Variants in PABPC1 observed in about 807,000 individuals in gnomAD.
PABPC1 encodes the protein poly(A) binding protein cytoplasmic 1.
A neutral mutation model predicts 74.0 loss-of-function variants in PABPC1; 4 were observed. The observed-to-expected ratio is 0.05, with a 90% CI of 0.03 to 0.12. The LOEUF (loss-of-function observed/expected upper bound fraction) is 0.12, where lower values mean the gene tolerates loss of function less well. Ranked by LOEUF, PABPC1 falls within the 10% of genes least tolerant of loss-of-function variation. The pLI, the probability that PABPC1 is intolerant of heterozygous loss-of-function variation, is 1.00. For missense variants in PABPC1, 271 were observed against 821.1 expected, an observed-to-expected ratio of 0.33 and a Z score of 8.19; for synonymous variants, 227 against 264.1, an observed-to-expected ratio of 0.86 and a Z score of 1.36.
At chr8:100,719,209 C>T (rs1810748988) in intron 1 of PABPC1, among the ~76,000 whole-genome samples, 1 of 152,172 alleles carries the variant, frequency 6.6e-6, no homozygotes. Flanking sequence ...GGAAAACGGT[C>T]CCTTTTAAGC....
chr8:100,721,642 G>GAGTGCCGGGGCTGGGGGCC lies in PABPC1; in HGVS notation c.-78_-60dup. ...GACCTTTCCGTGAGAGGAGGAGAGCGAGTGCCGGGGCTGGGGGCCGGAGCC... is the reference window on the plus strand; with the variant it reads ...GACCTTTCCGTGAGAGGAGGAGAGCGAGTGCCGGGGCTGGGGGCCAGTGCCGGGGCTGGGGGCCGGAGCC... On this transcript the variant is annotated 5_prime_UTR_variant, in exon 1 of 15. Coordinates refer to ENST00000318607, the MANE Select transcript of PABPC1 (RefSeq NM_002568.4). The surrounding 1 kb of genome is among the most constrained non-coding windows in gnomAD (Gnocchi z 7.4). 1 of 1,332,970 alleles carries GAGTGCCGGGGCTGGGGGCC rather than the reference G, an allele frequency of 7.5e-7. No homozygotes were observed. Among genetic ancestry groups the GAGTGCCGGGGCTGGGGGCC allele is most frequent in the Non-Finnish European group, 9.8e-7 (1 of 1,015,382 alleles). The allele number at this position is 1,332,970 out of a possible 1,614,324, so 82.6% of individuals were successfully genotyped here.
At chr8:100,710,205 A>G (rs1459352125) in intron 7 of PABPC1, among the ~76,000 whole-genome samples, 1 of 152,230 alleles carries the variant, frequency 6.6e-6, no homozygotes, top group Non-Finnish European at 1.5e-5. Context: ...AAAAGTTTTT[A>G]CATTCAAGAG....
intron 3 of PABPC1, 21 bp from the exon 4 acceptor site, chr8:100,715,622 T>G (rs771598333): frequency 6.4e-7 from 1 of 1,554,810 alleles, no homozygotes; most frequent in Admixed American, 1.8e-5. Flanking sequence ...ATACAAGGAC[T>G]ATAACATTAG....
rs568688780 is a variant in PABPC1, at chr8:100,709,231, G to GA, written c.1246-9dup. ...TGCAGCACGGTTCTGAGTCTGCAGG[G>GA]AAAAAAAGCACATGAGTTTATCAGT... On this transcript the variant is annotated splice_polypyrimidine_tract_variant and intron_variant, in intron 8 of 14. Transcript: ENST00000318607. The GA allele has an allele frequency of 2.2e-4, 346 of 1,579,320 alleles. 1 individual carries two copies. The African/African-American group carries it at 4.3e-3, about 20-fold the overall frequency.
At chr8:100,717,005 TGTGA>T (rs1419892207) in intron 3 of PABPC1, among the ~76,000 whole-genome samples, 1 of 151,766 alleles carries the variant, frequency 6.6e-6, no homozygotes, top group African/African-American at 2.4e-5. Context: ...AACAGGCATT[TGTGA>T]GTATTTATTT....
intron 7 of PABPC1, among the ~76,000 whole-genome samples, chr8:100,711,966 A>G (rs1398176373): frequency 6.6e-6 from 1 of 152,270 alleles, no homozygotes; most frequent in Non-Finnish European, 1.5e-5. Flanking sequence ...CTGATTTCAA[A>G]TAAAAGAAAA....
At chr8:100,707,089 A>G (rs1054915072) in intron 9 of PABPC1, 92 bp from the exon 10 acceptor site, 3 of 899,384 alleles carry the variant, frequency 3.3e-6, no homozygotes, top group African/African-American at 3.4e-5. Flanking sequence ...GGTTTGCATA[A>G]AAGACTAAAA....
intron 12 of PABPC1, 40 bp from the exon 13 acceptor site, chr8:100,705,096 A>T: frequency 3.1e-6 from 5 of 1,590,030 alleles, no homozygotes; most frequent in Non-Finnish European, 4.3e-6. Flanking sequence ...TCAATAAAAA[A>T]AAGTTTTTAA....
chr8:100,718,393 C>A, intron 1 of PABPC1, 113 bp from the exon 2 acceptor site: 1 of 792,758 alleles, frequency 1.3e-6, no homozygotes, highest in Non-Finnish European at 2.0e-6. Context: ...CACAGTTGAA[C>A]GCTTCCTCTT....
intron 3 of PABPC1, among the ~76,000 whole-genome samples, chr8:100,716,348 T>A (rs967656526): frequency 2.0e-5 from 3 of 151,882 alleles, no homozygotes; most frequent in African/African-American, 7.3e-5. Context: ...TGGCAGTGAG[T>A]AGATTGCACC....
Position 100,706,682 on chromosome 8 carries a change from A to T in PABPC1, c.1571T>A (p.Leu524His), listed in dbSNP as rs1734606834. ...AAGVRNPQQH[L>H]NAQPQVTMQQ... The stretch of plus-strand genomic sequence containing the variant: ...CATTGTAACTTGTGGCTGTGCATTA[A>T]GATGTTGCTGAGGATTGCGAACTCC... The change falls in exon 11 of 15, where the codon CTT becomes CAT. Residue 524 changes from leucine (L) to histidine (H), a missense_variant. By Grantham distance (99) the Leu-to-His change is moderately conservative (BLOSUM62 -3). Around this residue, in one of 7 missense-constraint regions of PABPC1, gnomAD observed 103 missense variants for 245.3 expected, o/e 0.42. Coordinates refer to ENST00000318607, the MANE Select transcript of PABPC1 (RefSeq NM_002568.4). 1 of 1,614,008 alleles carries T rather than the reference A, an allele frequency of 6.2e-7. No homozygotes were observed. The highest frequency in any genetic ancestry group is 2.2e-5 in the East Asian group (1 of 44,898).
chr8:100,712,437 T>C lies in PABPC1; in HGVS notation c.897A>G (p.Lys299=), dbSNP rs1810552426. 6.2e-7 allele frequency: 1 copy of C among 1,608,838 alleles called. No homozygotes were observed. Among genetic ancestry groups the C allele is most frequent in the African/African-American group, 1.3e-5 (1 of 74,674 alleles). Residue 299 remains lysine, a synonymous_variant, in exon 7 of 15, where the codon AAA becomes AAG. Coordinates refer to ENST00000318607, the MANE Select transcript of PABPC1 (RefSeq NM_002568.4). ...TRYQGVNLYV[K]NLDDGIDDER... ...CATCATCAATACCATCATCAAGATT[T>C]TTCACATAAAGATTAACACCCTAAA...
At chr8:100,715,632 G>C (rs765699769) in intron 3 of PABPC1, 31 bp from the exon 4 acceptor site, 2 of 1,508,496 alleles carry the variant, frequency 1.3e-6, no homozygotes, top group African/African-American at 2.8e-5. Context: ...TATAACATTA[G>C]ATTCTATTTT....
chr8:100,721,664 AGCCGGGGG>A lies in PABPC1; in HGVS notation c.-89_-82del. ...AGCGAGTGCCGGGGCTGGGGGCCGG[AGCCGGGGG>A]GAGGGGAGCGGGGAGCAAGCGCAGA... is the stretch of plus-strand genomic sequence containing the variant. On this transcript the variant is annotated 5_prime_UTR_variant, in exon 1 of 15. Coordinates refer to ENST00000318607, the MANE Select transcript of PABPC1 (RefSeq NM_002568.4). The surrounding 1 kb of genome is among the most constrained non-coding windows in gnomAD (Gnocchi z 7.4). The A allele has an allele frequency of 1.2e-6, 1 of 856,394 alleles. No homozygotes were observed. The allele number at this position is 856,394 out of a possible 1,614,324, so 53.0% of individuals were successfully genotyped here. A position where few individuals can be genotyped will look rare whatever the true frequency, so the allele number is the denominator to read the frequency against.
At chr8:100,718,757 A>T (rs1173751365) in intron 1 of PABPC1, among the ~76,000 whole-genome samples, 1 of 152,166 alleles carries the variant, frequency 6.6e-6, no homozygotes, top group East Asian at 1.9e-4. Flanking sequence ...ATTGCTAATA[A>T]CTAACAATAT....
chr8:100,705,992 C>T (rs1408677581), intron 11 of PABPC1, among the ~76,000 whole-genome samples: 7 of 152,154 alleles, frequency 4.6e-5, no homozygotes, highest in Admixed American at 4.6e-4. Context: ...GGATTACAGG[C>T]ATGTGCCACC....
chr8:100,715,142 CACACACACACACACACAT>C (rs1286435487), intron 4 of PABPC1, among the ~76,000 whole-genome samples: 24 of 137,538 alleles, frequency 1.7e-4, no homozygotes, highest in Admixed American at 3.6e-4. Flanking sequence ...CACACACACA[CACACACACACACACACAT>C]ATATATCTCC....
Position 100,712,847 on chromosome 8 carries a change from T to C in PABPC1, c.739-58A>G, listed in dbSNP as rs1274976462. 4.0e-6 allele frequency: 6 copies of C among 1,504,464 alleles called. No individual in the cohort carries two copies. In the African/African-American group the frequency reaches 8.5e-5, roughly 21 times the overall value. 93.2% of individuals were successfully genotyped at this position (1,504,464 alleles called of 1,614,324 possible). ...CACAAAACTTTCAACTTACAGTTCA[T>C]TTCCTTAACAGTTAAGACAAATTTG... On this transcript the variant is annotated intron_variant, in intron 5 of 14. Transcript: ENST00000318607.
At chr8:100,707,860 G>A (rs1390437180) in intron 9 of PABPC1, among the ~76,000 whole-genome samples, 3 of 152,234 alleles carry the variant, frequency 2.0e-5, no homozygotes, top group South Asian at 2.1e-4. Context: ...GCCTGGCAAC[G>A]GGCGTCTTCC....
Sources: allele counts gnomAD v4.1 joint callset (sites outside exome capture counted in the v4.1 genomes callset), GRCh38; gene constraint gnomAD v4.1.1; regional missense constraint gnomAD v4.1.1; non-coding constraint Gnocchi (gnomAD v3.1); transcripts MANE v1.5; gene names NCBI Gene and HGNC (gene_info 2026-07-23, HGNC 2026-07-21).